MAP3K7: variants seen among roughly 807,000 people sequenced by gnomAD.
MAP3K7 encodes the protein mitogen-activated protein kinase kinase kinase 7.
In MAP3K7, 21 loss-of-function variants were observed where a neutral mutation model predicts 84.8. That is an observed-to-expected ratio of 0.25 (90% CI 0.18 to 0.36). The LOEUF (loss-of-function observed/expected upper bound fraction) is 0.36, where lower values mean the gene tolerates loss of function less well. Among genes scored for constraint, MAP3K7 ranks in the 10% least tolerant of loss-of-function variants. The pLI, the probability that MAP3K7 is intolerant of heterozygous loss-of-function variation, is 1.00. For synonymous variants in MAP3K7, 241 were observed against 247.7 expected, an observed-to-expected ratio of 0.97 and a Z score of 0.25; for missense variants, 503 against 747.7, an observed-to-expected ratio of 0.67 and a Z score of 3.82.
At chr6:90,577,237 AG>A (rs1777114432) in intron 1 of MAP3K7, among the ~76,000 whole-genome samples, 1 of 152,224 alleles carries the variant, frequency 6.6e-6, no homozygotes, top group African/African-American at 2.4e-5. Context: ...AGCTGAATCA[AG>A]GAAAACACCT....
chr6:90,527,115 T>G (rs1775346003), intron 13 of MAP3K7, among the ~76,000 whole-genome samples: 1 of 152,190 alleles, frequency 6.6e-6, no homozygotes, highest in Non-Finnish European at 1.5e-5. Flanking sequence ...CATTAGGAAA[T>G]TCCATTAATA....
rs537649538 is a variant in MAP3K7 at position 90,536,383 on chromosome 6, C to T, written c.1310G>A (p.Arg437His). ...IVISGNGQPRRRSIQDLTVTG... is the reference protein window; with the variant it reads ...IVISGNGQPRHRSIQDLTVTG... ...TACAGTCAAGTCTTGGATGGATCTA[C>T]GTCTTGGCTGTCCGTTGCCTTTAAA... Residue 437 changes from arginine (R) to histidine (H), a missense_variant, in exon 13 of 17, where the codon CGT becomes CAT. Around this residue, in one of 5 missense-constraint regions of MAP3K7, gnomAD observed 286 missense variants for 313.6 expected, o/e 0.91. Transcript: ENST00000369329. 34 of 1,611,996 alleles carry T rather than the reference C, an allele frequency of 2.1e-5. No individual in the cohort carries two copies. In the East Asian group the frequency reaches 2.7e-4, roughly 13 times the overall value.
intron 5 of MAP3K7, among the ~76,000 whole-genome samples, chr6:90,557,305 G>A (rs1489814172): frequency 6.6e-6 from 1 of 152,132 alleles, no homozygotes; most frequent in Non-Finnish European, 1.5e-5. Context: ...ATGACAAAGA[G>A]AAATAGAAAT....
chr6:90,580,335 T>C (rs1777227907), intron 1 of MAP3K7, among the ~76,000 whole-genome samples: 1 of 152,234 alleles, frequency 6.6e-6, no homozygotes, highest in Admixed American at 6.5e-5. Flanking sequence ...AAACTTAATA[T>C]TCAAGTTGTA....
At chr6:90,576,522 C>T (rs1332250884) in intron 1 of MAP3K7, among the ~76,000 whole-genome samples, 2 of 151,894 alleles carry the variant, frequency 1.3e-5, no homozygotes, top group Non-Finnish European at 2.9e-5. Flanking sequence ...AAAAACCTCA[C>T]TACCTTATTT....
intron 11 of MAP3K7, among the ~76,000 whole-genome samples, chr6:90,546,120 T>TA (rs1432583651): frequency 2.0e-5 from 3 of 152,164 alleles, no homozygotes; most frequent in African/African-American, 7.2e-5. Flanking sequence ...AAATAATGCT[T>TA]ATGTGTTATA....
Position 90,552,095 on chromosome 6 carries a change from C to T in MAP3K7, c.821G>A (p.Arg274His), listed in dbSNP as rs758224984. ...TTTCACAATTTCCTCCATTGAAGGG[C>T]GCTGGGAAGGATCTTTAGACCAACA... ...TRCWSKDPSQ[R>H]PSMEEIVKIM... Residue 274 changes from arginine (R) to histidine (H), a missense_variant, in exon 8 of 17, where the codon CGC becomes CAC. Transcript: ENST00000369329. The T allele has an allele frequency of 1.9e-6, 3 of 1,612,650 alleles. No homozygotes were observed. Among genetic ancestry groups the T allele is most frequent in the Non-Finnish European group, 2.5e-6 (3 of 1,178,986 alleles).
chr6:90,548,281 C>A, intron 9 of MAP3K7, 104 bp from the exon 10 acceptor site: 2 of 969,150 alleles, frequency 2.1e-6, no homozygotes, highest in Non-Finnish European at 3.0e-6. Context: ...CAGGCAGGAA[C>A]AGAAATAAAA....
At position 90,587,064 on chromosome 6, in the gene MAP3K7, T is replaced by C. The variant is rs1418244774; in HGVS notation, c.-181A>G. On this transcript the variant is annotated 5_prime_UTR_variant, in exon 1 of 17. Coordinates refer to ENST00000369329, the MANE Select transcript of MAP3K7 (RefSeq NM_145331.3). Reference sequence around the variant, plus strand: ...CGTGTCCGGCTCTGGCTCCGCTGCGTTTTCCGCCGACGGGCCCCGCCCACT... The same window carrying C: ...CGTGTCCGGCTCTGGCTCCGCTGCGCTTTCCGCCGACGGGCCCCGCCCACT... 3.0e-6 allele frequency: 2 copies of C among 657,414 alleles called. No homozygotes were observed. The highest frequency in any genetic ancestry group is 7.3e-5 in the East Asian group (2 of 27,572). The allele number at this position is 657,414 out of a possible 1,614,324, so 40.7% of individuals were successfully genotyped here. A position where few individuals can be genotyped will look rare whatever the true frequency, so the allele number is the denominator to read the frequency against.
At chr6:90,525,038 TAAAAC>T (rs1341124224) in intron 13 of MAP3K7, among the ~76,000 whole-genome samples, 2 of 141,828 alleles carry the variant, frequency 1.4e-5, no homozygotes, top group Non-Finnish European at 3.2e-5. Context: ...GAAAGAGAAA[TAAAAC>T]ATAAGAGAGC....
chr6:90,553,279 T>C (rs982795927), intron 7 of MAP3K7, among the ~76,000 whole-genome samples, 179 bp downstream of exon 7: 1 of 152,134 alleles, frequency 6.6e-6, no homozygotes, highest in African/African-American at 2.4e-5. Flanking sequence ...TCAATCCTGC[T>C]CTGCTGGACT....
At chr6:90,562,429 C>A (rs1243059688) in intron 3 of MAP3K7, among the ~76,000 whole-genome samples, 3 of 152,238 alleles carry the variant, frequency 2.0e-5, no homozygotes, top group African/African-American at 7.2e-5. Flanking sequence ...AGATTATATC[C>A]TGCACCTGGC....
rs552714961 is a variant in MAP3K7, at chr6:90,516,142, T to G, written c.*359A>C. The G allele has an allele frequency of 4.7e-6, 1 of 214,912 alleles. No individual in the cohort carries two copies. The highest frequency in any genetic ancestry group is 2.3e-5 in the African/African-American group (1 of 42,980). 13.3% of individuals were successfully genotyped at this position (214,912 alleles called of 1,614,324 possible). On this transcript the variant is annotated 3_prime_UTR_variant, in exon 17 of 17. Coordinates refer to ENST00000369329, the MANE Select transcript of MAP3K7 (RefSeq NM_145331.3). The stretch of plus-strand genomic sequence containing the variant: ...GTCATTCTTGAGGTTCCACCTCTAA[T>G]ATGAAAAAATGGACGCTGTTTGCAC...
chr6:90,582,844 C>T (rs1035545814), intron 1 of MAP3K7, among the ~76,000 whole-genome samples: 3 of 148,216 alleles, frequency 2.0e-5, no homozygotes, highest in Non-Finnish European at 4.5e-5. Context: ...CTAAGTCAGA[C>T]ATTTTAAGGA....
intron 2 of MAP3K7, among the ~76,000 whole-genome samples, chr6:90,570,276 TAGA>T (rs1776857488): frequency 6.6e-6 from 1 of 152,158 alleles, no homozygotes. Context: ...AGAGCAGACC[TAGA>T]AGAGCTGCAT....
intron 8 of MAP3K7, 67 bp from the exon 9 acceptor site, chr6:90,550,616 T>G: frequency 1.0e-6 from 1 of 982,328 alleles, no homozygotes; most frequent in Non-Finnish European, 1.6e-6. Context: ...GATTAATGTT[T>G]TATTTTCCCT....
intron 12 of MAP3K7, chr6:90,542,259 C>T (rs1775876020): frequency 1.0e-6 from 1 of 984,360 alleles, no homozygotes; most frequent in Non-Finnish European, 1.2e-6. Context: ...CCTATGAGCA[C>T]ATTCATGATT....
chr6:90,552,235 C>CAA lies in MAP3K7; in HGVS notation c.737-58_737-57dup, dbSNP rs1776201329. 9 of 1,484,114 alleles carry CAA rather than the reference C, an allele frequency of 6.1e-6. No individual in the cohort carries two copies. The South Asian group carries it at 1.1e-4, about 18-fold the overall frequency. 91.9% of individuals were successfully genotyped at this position (1,484,114 alleles called of 1,614,324 possible). A position where few individuals can be genotyped will look rare whatever the true frequency, so the allele number is the denominator to read the frequency against. ...GAATGTATTTACCCAAAGAATGATG[C>CAA]AAACTCTTTGTACGTATTTCCAAAG... On this transcript the variant is annotated intron_variant, in intron 7 of 16. Transcript: ENST00000369329.
intron 6 of MAP3K7, among the ~76,000 whole-genome samples, chr6:90,555,309 G>A (rs1474003810): frequency 6.6e-6 from 1 of 151,624 alleles, no homozygotes; most frequent in Non-Finnish European, 1.5e-5. Context: ...AGGCTGGAGT[G>A]CAGTGGCACG....
Sources: allele counts gnomAD v4.1 joint callset (sites outside exome capture counted in the v4.1 genomes callset), GRCh38; gene constraint gnomAD v4.1.1; regional missense constraint gnomAD v4.1.1; transcripts MANE v1.5; gene names NCBI Gene and HGNC (gene_info 2026-07-23, HGNC 2026-07-21).